Variants in TOPORS observed in about 807,000 individuals in gnomAD.
TOPORS encodes the protein E3 ubiquitin-protein ligase Topors.
In TOPORS, 25 loss-of-function variants were observed where a neutral mutation model predicts 81.4. The ratio of observed to expected loss-of-function variants is 0.31; its 90% CI spans 0.22 to 0.43. The LOEUF is 0.43. Among genes scored for constraint, TOPORS ranks in the 20% least tolerant of loss-of-function variants. The probability of loss-of-function intolerance (pLI) is 1.00; values close to 1 mark genes in which losing one functional copy is unlikely to be tolerated. For synonymous variants in TOPORS, 473 were observed against 456.6 expected, an observed-to-expected ratio of 1.04 and a Z score of -0.46; for missense variants, 1,101 against 1,267.0, an observed-to-expected ratio of 0.87 and a Z score of 1.99.
In TOPORS at chr9:32,541,970, T is replaced by C; in HGVS notation, c.2555A>G (p.Glu852Gly). The change falls in exon 3 of 3, where the codon GAG becomes GGG. Residue 852 changes from glutamate (E) to glycine (G), a missense_variant. Physicochemically the swap from Glu to Gly is moderately conservative, Grantham distance 98 (BLOSUM62 -2). Transcript: ENST00000360538. ...CCTTTTTCTCCTTTTGTGTTTTGTC[T>C]CTCTGTCTGATGATCGGCTGTCTGA... is the stretch of plus-strand genomic sequence containing the variant. Reference protein sequence around the residue: ...TFSDSRSSDRETKHKRRKRKT... With the variant: ...TFSDSRSSDRGTKHKRRKRKT... 1 of 1,613,628 alleles carries C rather than the reference T, an allele frequency of 6.2e-7. No individual in the cohort carries two copies. Among genetic ancestry groups the C allele is most frequent in the South Asian group, 1.1e-5 (1 of 90,944 alleles).
intron 2 of TOPORS, among the ~76,000 whole-genome samples, chr9:32,546,807 T>C (rs1003112429): frequency 1.3e-5 from 2 of 152,204 alleles, no homozygotes; most frequent in African/African-American, 4.8e-5. Context: ...GGTAATGTCC[T>C]CCATAACAGG....
Position 32,541,199 on chromosome 9 carries a change from G to A in TOPORS, c.*188C>T, listed in dbSNP as rs1263598772. 6.8e-6 allele frequency: 4 copies of A among 584,026 alleles called. No homozygotes were observed. Among genetic ancestry groups the A allele is most frequent in the Non-Finnish European group, 1.2e-5 (4 of 336,474 alleles). The allele number at this position is 584,026 out of a possible 1,614,324, so 36.2% of individuals were successfully genotyped here. ...TTCACTTAAAAGTGCATATCTTTGA[G>A]GGTGGGACATACATTTTGAACAAAT... is the stretch of plus-strand genomic sequence containing the variant. On this transcript the variant is annotated 3_prime_UTR_variant, in exon 3 of 3. Transcript: ENST00000360538.
In TOPORS at chr9:32,541,924, T is replaced by C. The variant is rs1473235935; in HGVS notation, c.2601A>G (p.Val867=). 3 of 1,613,980 alleles carry C rather than the reference T, an allele frequency of 1.9e-6. No individual in the cohort carries two copies. Among genetic ancestry groups the C allele is most frequent in the Non-Finnish European group, 2.5e-6 (3 of 1,180,008 alleles). The part of the protein sequence containing the change: ...RRKRKTRSLS[V]EIVYEGKATD... The stretch of plus-strand genomic sequence containing the variant: ...TAGCTTTTCCTTCATAAACTATCTC[T>C]ACACTTAGGCTCCGGGTCTTCCTTT... The change falls in exon 3 of 3, where the codon GTA becomes GTG. Residue 867 remains valine, a synonymous_variant. Coordinates refer to ENST00000360538, the MANE Select transcript of TOPORS (RefSeq NM_005802.5).
chr9:32,549,915 G>C (rs1821203034), intron 2 of TOPORS, among the ~76,000 whole-genome samples: 2 of 152,122 alleles, frequency 1.3e-5, no homozygotes, highest in Non-Finnish European at 2.9e-5. Context: ...AATTTATCCA[G>C]ATCCTATCAA....
chr9:32,551,616 A>C (rs1212993893), intron 1 of TOPORS: 1 of 267,220 alleles, frequency 3.7e-6, no homozygotes, highest in Non-Finnish European at 8.0e-6. Flanking sequence ...GAACGTCTAG[A>C]GCCTAAGCGG....
Position 32,541,267 on chromosome 9 carries a change from A to G in TOPORS, c.*120T>C. 2 of 1,010,560 alleles carry G rather than the reference A, an allele frequency of 2.0e-6. No homozygotes were observed. Among genetic ancestry groups the G allele is most frequent in the Non-Finnish European group, 2.9e-6 (2 of 693,016 alleles). The allele number at this position is 1,010,560 out of a possible 1,614,324, so 62.6% of individuals were successfully genotyped here. On this transcript the variant is annotated 3_prime_UTR_variant, in exon 3 of 3. Transcript: ENST00000360538. ...AACACCAAAAAAAAAATCATTTAAAATATTGTAAGGAGGAAGAGAGTTTTC... is the reference window on the plus strand; with the variant it reads ...AACACCAAAAAAAAAATCATTTAAAGTATTGTAAGGAGGAAGAGAGTTTTC...
intron 1 of TOPORS, chr9:32,551,217 CACTG>C (rs1400224440): frequency 5.0e-5 from 30 of 598,714 alleles, no homozygotes; most frequent in Non-Finnish European, 8.1e-5. Flanking sequence ...CCACTGGGGA[CACTG>C]ACTGAATGTT....
intron 1 of TOPORS, 148 bp downstream of exon 1, chr9:32,552,286 G>A: frequency 1.7e-6 from 2 of 1,173,188 alleles, no homozygotes; most frequent in Non-Finnish European, 2.5e-6. Context: ...GGGCGGAAGA[G>A]GCCAGCGACA....
chr9:32,552,543 C>T lies in TOPORS; in HGVS notation c.-107G>A. 2.1e-6 allele frequency: 3 copies of T among 1,460,576 alleles called. No individual in the cohort carries two copies. The highest frequency in any genetic ancestry group is 1.4e-5 in the African/African-American group (1 of 71,696). 90.5% of individuals were successfully genotyped at this position (1,460,576 alleles called of 1,614,324 possible). A position where few individuals can be genotyped will look rare whatever the true frequency, so the allele number is the denominator to read the frequency against. On this transcript the variant is annotated 5_prime_UTR_variant, in exon 1 of 3. Transcript: ENST00000360538. ...CACTGGGCCCGCAGGCGGAAAGGCCCTATTTCTTCAGCACCCAGAAACTCC... is the reference window on the plus strand; with the variant it reads ...CACTGGGCCCGCAGGCGGAAAGGCCTTATTTCTTCAGCACCCAGAAACTCC...
chr9:32,542,546 A>C lies in TOPORS; in HGVS notation c.1979T>G (p.Leu660Arg). The change falls in exon 3 of 3, where the codon CTG becomes CGG. Residue 660 changes from leucine (L) to arginine (R), a missense_variant. Leu to Arg is a moderately radical substitution (Grantham distance 102). Transcript: ENST00000360538. ...GCTTGTGCTTTCACTACTTAGAGAC[A>C]GAGTTTGGCTTCTTCTGGACCAACT... Reference protein sequence around the residue: ...DSSWSRRSQTLSLSSESTSRS... With the variant: ...DSSWSRRSQTRSLSSESTSRS... The C allele has an allele frequency of 6.2e-7, 1 of 1,614,124 alleles. No individual in the cohort carries two copies. The highest frequency in any genetic ancestry group is 8.5e-7 in the Non-Finnish European group (1 of 1,180,018).
rs377690669 is a variant in TOPORS, at chr9:32,541,441, C to A, written c.3084G>T (p.Ser1028=). The part of the protein sequence containing the change: ...LQTEPSRQLP[S]PRTSLMSVCL... ...ATACTGACATTAATGATGTCCGTGG[C>A]GATGGCAATTGCCTTGATGGCTCAG... is the stretch of plus-strand genomic sequence containing the variant. The change falls in exon 3 of 3, where the codon TCG becomes TCT. Residue 1028 remains serine, a synonymous_variant. Transcript: ENST00000360538. 5 of 1,614,144 alleles carry A rather than the reference C, an allele frequency of 3.1e-6. No homozygotes were observed. In the South Asian group the frequency reaches 4.4e-5, roughly 14 times the overall value.
At chr9:32,544,682 A>G (rs1414698806) in intron 2 of TOPORS, among the ~76,000 whole-genome samples, 2 of 152,210 alleles carry the variant, frequency 1.3e-5, no homozygotes, top group Non-Finnish European at 2.9e-5. Context: ...GCTACATAGT[A>G]AAGCTCTCAA....
rs140010425 is a variant in TOPORS, at chr9:32,541,247, CA to C, written c.*139del. On this transcript the variant is annotated 3_prime_UTR_variant, in exon 3 of 3. Coordinates refer to ENST00000360538, the MANE Select transcript of TOPORS (RefSeq NM_005802.5). ...AATAATGATTTTTACAAATTAACACCAAAAAAAAAATCATTTAAAATATTGT... is the reference window on the plus strand; with the variant it reads ...AATAATGATTTTTACAAATTAACACCAAAAAAAAATCATTTAAAATATTGT... 19,407 of 757,988 alleles carry C rather than the reference CA, an allele frequency of 0.026. 566 individuals carry two copies. Among genetic ancestry groups the C allele is most frequent in the East Asian group, 0.15 (4,693 of 31,406 alleles). 47.0% of individuals were successfully genotyped at this position (757,988 alleles called of 1,614,324 possible).
intron 2 of TOPORS, among the ~76,000 whole-genome samples, chr9:32,546,020 A>G (rs908148950): frequency 6.6e-6 from 1 of 152,212 alleles, no homozygotes; most frequent in Non-Finnish European, 1.5e-5. Flanking sequence ...AAACCTGCTC[A>G]CTTTAGGGCA....
chr9:32,550,767 C>G lies in TOPORS; in HGVS notation c.198+7G>C. 1 of 1,612,870 alleles carries G rather than the reference C, an allele frequency of 6.2e-7. No individual in the cohort carries two copies. Among genetic ancestry groups the G allele is most frequent in the Non-Finnish European group, 8.5e-7 (1 of 1,179,656 alleles). On this transcript the variant is annotated splice_region_variant and intron_variant, in intron 2 of 2. Transcript: ENST00000360538. Reference sequence around the variant, plus strand: ...CCCCGCGTCCCATTGTTCCGAATCTCACTCACCTCGGAGGATGCCGGCGCA... The same window carrying G: ...CCCCGCGTCCCATTGTTCCGAATCTGACTCACCTCGGAGGATGCCGGCGCA...
chr9:32,552,248 C>A (rs1260703959), intron 1 of TOPORS, 186 bp downstream of exon 1: 2 of 747,056 alleles, frequency 2.7e-6, no homozygotes, highest in African/African-American at 1.8e-5. Flanking sequence ...GCAAGGCCCC[C>A]GATCACGTGA....
In TOPORS at chr9:32,542,864, G is replaced by A; in HGVS notation, c.1661C>T (p.Thr554Ile). The change falls in exon 3 of 3, where the codon ACA becomes ATA. Residue 554 changes from threonine to isoleucine, a missense_variant. Transcript: ENST00000360538. ...CTCTTCCTTCTTTGATTTGATTCTT[G>A]TACTAGAATCACAATGACCTTTATT... ...QINKGHCDSSTRIKSKKEEKR... is the reference protein window; with the variant it reads ...QINKGHCDSSIRIKSKKEEKR... The A allele has an allele frequency of 6.2e-7, 1 of 1,614,022 alleles. No homozygotes were observed. Among genetic ancestry groups the A allele is most frequent in the South Asian group, 1.1e-5 (1 of 91,082 alleles).
rs1441100275 is a variant in TOPORS at position 32,551,105 on chromosome 9, G to C, written c.4-137C>G. 5 of 1,128,984 alleles carry C rather than the reference G, an allele frequency of 4.4e-6. No individual in the cohort carries two copies. The Admixed American group carries it at 6.0e-5, about 14-fold the overall frequency. 69.9% of individuals were successfully genotyped at this position (1,128,984 alleles called of 1,614,324 possible). A position where few individuals can be genotyped will look rare whatever the true frequency, so the allele number is the denominator to read the frequency against. On this transcript the variant is annotated intron_variant, in intron 1 of 2. Coordinates refer to ENST00000360538, the MANE Select transcript of TOPORS (RefSeq NM_005802.5). ...CGCAGCAGATGGACGCCGGCCTCGG[G>C]GGCGGGGCTCAGCGCACCGGCCCAA... is the stretch of plus-strand genomic sequence containing the variant.
chr9:32,546,118 C>G (rs1055480780), intron 2 of TOPORS, among the ~76,000 whole-genome samples: 4 of 152,108 alleles, frequency 2.6e-5, no homozygotes, highest in African/African-American at 9.7e-5. Context: ...GTCTAGTCTT[C>G]TATTTACTGG....
Sources: allele counts gnomAD v4.1 joint callset (sites outside exome capture counted in the v4.1 genomes callset), GRCh38; gene constraint gnomAD v4.1.1; transcripts MANE v1.5; gene names NCBI Gene and HGNC (gene_info 2026-07-23, HGNC 2026-07-21).